The following GSG1L variants were observed in gnomAD, a reference collection of about 807,000 sequenced individuals.
GSG1L encodes GSG1 like.
In GSG1L, 24 loss-of-function variants were observed where a neutral mutation model predicts 42.1. The observed-to-expected ratio is 0.57, with a 90% CI of 0.41 to 0.80. The LOEUF (loss-of-function observed/expected upper bound fraction) is 0.80. Ranked by LOEUF, GSG1L falls within the 30% of genes least tolerant of loss-of-function variation. GSG1L has a pLI of 0.00. For synonymous variants in GSG1L, 215 were observed against 203.5 expected (o/e 1.06, Z -0.48); for missense variants, 445 against 472.2 (o/e 0.94, Z 0.53).
At chr16:27,987,042 C>A (rs1489730016) in intron 1 of GSG1L, among the ~76,000 whole-genome samples, 1 of 152,098 alleles carries the variant, frequency 6.6e-6, no homozygotes, top group Non-Finnish European at 1.5e-5. Flanking sequence ...CATGGTGAAA[C>A]CCCGTCTCTA....
chr16:27,824,614 G>A (rs2083188592), intron 5 of GSG1L, among the ~76,000 whole-genome samples: 1 of 152,192 alleles, frequency 6.6e-6, no homozygotes. Context: ...CCTCAGAGGG[G>A]AAGGGAAATA....
chr16:27,966,657 G>A (rs1028915311), intron 1 of GSG1L, among the ~76,000 whole-genome samples: 3 of 152,034 alleles, frequency 2.0e-5, no homozygotes, highest in Non-Finnish European at 2.9e-5. Flanking sequence ...CTGATGCCAC[G>A]GACACAGACC....
intron 3 of GSG1L, among the ~76,000 whole-genome samples, chr16:27,859,838 G>C (rs997981727): frequency 6.0e-5 from 9 of 150,702 alleles, no homozygotes; most frequent in African/African-American, 2.2e-4. Flanking sequence ...ACCATGCCCA[G>C]CTATTTTTTT....
chr16:27,993,365 G>A (rs1409359921), intron 1 of GSG1L, among the ~76,000 whole-genome samples: 1 of 152,150 alleles, frequency 6.6e-6, no homozygotes, highest in Non-Finnish European at 1.5e-5. Context: ...GCCCAGGCTG[G>A]CCTCGAACTC....
chr16:27,883,331 G>C (rs2083984452), intron 3 of GSG1L, among the ~76,000 whole-genome samples: 1 of 151,820 alleles, frequency 6.6e-6, no homozygotes, highest in Non-Finnish European at 1.5e-5. Flanking sequence ...CATGGGGATG[G>C]GGTACATGGG....
intron 1 of GSG1L, among the ~76,000 whole-genome samples, chr16:28,009,164 C>A (rs1157106095): frequency 3.3e-5 from 5 of 152,136 alleles, no homozygotes; most frequent in African/African-American, 9.7e-5. Flanking sequence ...ATATGAGATG[C>A]CTGTTCTCCT....
intron 2 of GSG1L, among the ~76,000 whole-genome samples, chr16:27,909,325 CTCTTTCTTTCTTTT>C (rs1329497787): frequency 2.0e-5 from 3 of 151,748 alleles, no homozygotes; most frequent in Non-Finnish European, 2.9e-5. Context: ...TTTCTTTTCT[CTCTTTCTTTCTTTT>C]TCTTTCTTTC....
chr16:28,063,060 G>A lies in GSG1L; in HGVS notation c.349+16C>T. 7.2e-7 allele frequency: 1 copy of A among 1,397,342 alleles called. No individual in the cohort carries two copies. The highest frequency in any genetic ancestry group is 9.4e-7 in the Non-Finnish European group (1 of 1,069,342). The allele number at this position is 1,397,342 out of a possible 1,614,324, so 86.6% of individuals were successfully genotyped here. On this transcript the variant is annotated intron_variant, in intron 1 of 6. Coordinates refer to ENST00000447459, the MANE Select transcript of GSG1L (RefSeq NM_001109763.2). This position sits in a 1 kb window ranked among gnomAD's most constrained non-coding sequence, Gnocchi z 5.8. The stretch of plus-strand genomic sequence containing the variant: ...GGGAGCCGGAGCCGAGCTGGCCGCC[G>A]CCCGCGCGCACTCACCAAGCCCGCT...
At chr16:27,799,265 G>A (rs539892784) in intron 6 of GSG1L, among the ~76,000 whole-genome samples, 5 of 151,508 alleles carry the variant, frequency 3.3e-5, no homozygotes, top group South Asian at 2.1e-4. Flanking sequence ...TGGGCTTGGC[G>A]GCTCACGCCT....
At chr16:28,057,998 T>G (rs1169072128) in intron 1 of GSG1L, among the ~76,000 whole-genome samples, 1 of 151,444 alleles carries the variant, frequency 6.6e-6, no homozygotes, top group Admixed American at 6.6e-5. Flanking sequence ...AGAGAGGGAG[T>G]GTGATTTCTC....
intron 3 of GSG1L, among the ~76,000 whole-genome samples, chr16:27,848,313 A>T (rs2083466144): frequency 6.6e-6 from 1 of 152,188 alleles, no homozygotes. Context: ...ATAAGTGTTT[A>T]CTGAATGAAT....
At chr16:27,904,105 T>A (rs558333137) in intron 2 of GSG1L, among the ~76,000 whole-genome samples, 87 of 152,112 alleles carry the variant, frequency 5.7e-4, no homozygotes, top group Admixed American at 3.8e-3. Context: ...AGGTTTTTTT[T>A]ATCACCCAGG....
chr16:27,797,377 T>A (rs1171537376), intron 6 of GSG1L, among the ~76,000 whole-genome samples: 1 of 151,290 alleles, frequency 6.6e-6, no homozygotes, highest in Non-Finnish European at 1.5e-5. Context: ...ACATAAATTA[T>A]CTTGGTGTGG....
chr16:27,955,755 G>A (rs1273828770), intron 2 of GSG1L, among the ~76,000 whole-genome samples: 2 of 152,112 alleles, frequency 1.3e-5, no homozygotes, highest in Non-Finnish European at 2.9e-5. Context: ...GATCCAGGAA[G>A]CAGTGGAGCC....
At chr16:28,036,763 T>C (rs1054869236) in intron 1 of GSG1L, among the ~76,000 whole-genome samples, 1 of 152,158 alleles carries the variant, frequency 6.6e-6, no homozygotes, top group Non-Finnish European at 1.5e-5. Flanking sequence ...TCTCTGATGG[T>C]GACTCTGGGG....
chr16:27,914,528 C>CT (rs1230090041), intron 2 of GSG1L, among the ~76,000 whole-genome samples: 1 of 138,548 alleles, frequency 7.2e-6, no homozygotes, highest in Non-Finnish European at 1.5e-5. Context: ...CTTTTCTTTT[C>CT]TATTTTTTTT....
chr16:27,836,293 C>A (rs1383523579), intron 4 of GSG1L, among the ~76,000 whole-genome samples: 1 of 143,240 alleles, frequency 7.0e-6, no homozygotes, highest in South Asian at 2.2e-4. Context: ...TTTTTTTTAA[C>A]TTTAGTTTTT....
chr16:27,842,028 A>G (rs4483847), intron 4 of GSG1L, among the ~76,000 whole-genome samples: 2,938 of 150,970 alleles, frequency 0.019, 135 homozygotes, highest in African/African-American at 0.07. Flanking sequence ...TATCAGTAGC[A>G]TGATATTGCT....
chr16:27,996,395 T>C (rs1015178663), intron 1 of GSG1L, among the ~76,000 whole-genome samples: 4 of 151,634 alleles, frequency 2.6e-5, no homozygotes, highest in African/African-American at 9.7e-5. Flanking sequence ...AGATCATTCA[T>C]TGCAACCTTA....
Sources: allele counts gnomAD v4.1 joint callset (sites outside exome capture counted in the v4.1 genomes callset), GRCh38; gene constraint gnomAD v4.1.1; non-coding constraint Gnocchi (gnomAD v3.1); transcripts MANE v1.5; gene names NCBI Gene and HGNC (gene_info 2026-07-23, HGNC 2026-07-21).